The following CFAP46 variants were observed in gnomAD, a reference collection of about 807,000 sequenced individuals.
CFAP46 encodes the protein cilia- and flagella-associated protein 46.
A neutral mutation model predicts 325.7 loss-of-function variants in CFAP46; 245 were observed. The observed-to-expected ratio is 0.75, with a 90% CI of 0.68 to 0.84. The LOEUF (loss-of-function observed/expected upper bound fraction) is 0.84, where lower values mean the gene tolerates loss of function less well. CFAP46 is among the 40% of genes least tolerant of loss of function. The pLI, the probability that CFAP46 is intolerant of heterozygous loss-of-function variation, is 0.00. For synonymous variants in CFAP46, 1,523 were observed against 1,495.9 expected, an observed-to-expected ratio of 1.02 and a Z score of -0.42; for missense variants, 3,346 against 3,543.0, an observed-to-expected ratio of 0.94 and a Z score of 1.41.
chr10:132,814,801 C>T (rs961391947), intron 51 of CFAP46, 43 bp downstream of exon 51: 3 of 1,613,814 alleles, frequency 1.9e-6, no homozygotes, highest in East Asian at 2.2e-5. Flanking sequence ...TGACCTCCCG[C>T]TGTGCCCACC....
chr10:132,825,437 G>A (rs1322796574), intron 50 of CFAP46, among the ~76,000 whole-genome samples: 1 of 152,176 alleles, frequency 6.6e-6, no homozygotes, highest in Non-Finnish European at 1.5e-5. Context: ...GGCAGGAGGA[G>A]CCTTTGGGAG....
In CFAP46 at chr10:132,847,417, T is replaced by G; in HGVS notation, c.5953-96A>C. The G allele has an allele frequency of 6.8e-7, 1 of 1,463,958 alleles. No homozygotes were observed. The highest frequency in any genetic ancestry group is 1.4e-5 in the African/African-American group (1 of 71,810). The allele number at this position is 1,463,958 out of a possible 1,614,324, so 90.7% of individuals were successfully genotyped here. A position where few individuals can be genotyped will look rare whatever the true frequency, so the allele number is the denominator to read the frequency against. On this transcript the variant is annotated intron_variant, in intron 41 of 57. Coordinates refer to ENST00000368586, the MANE Select transcript of CFAP46 (RefSeq NM_001200049.3). The surrounding 1 kb of genome is among the most constrained non-coding windows in gnomAD (Gnocchi z 5.2). Reference sequence around the variant, plus strand: ...AGGGAGGCCGGGGTGGTCGGGCTCCTCAGCAGGGTCCCCGGGTAGGGGGTA... The same window carrying G: ...AGGGAGGCCGGGGTGGTCGGGCTCCGCAGCAGGGTCCCCGGGTAGGGGGTA...
intron 4 of CFAP46, among the ~76,000 whole-genome samples, chr10:132,940,663 C>G (rs867666004): frequency 6.6e-6 from 1 of 152,232 alleles, no homozygotes; most frequent in African/African-American, 2.4e-5. Context: ...CTGCAACCTC[C>G]GCCTCCCGAG....
chr10:132,849,434 C>T (rs1848498010), intron 41 of CFAP46, among the ~76,000 whole-genome samples: 1 of 152,168 alleles, frequency 6.6e-6, no homozygotes, highest in Non-Finnish European at 1.5e-5. Context: ...TGCTCCAGTC[C>T]CTGAGGGCAT....
intron 35 of CFAP46, among the ~76,000 whole-genome samples, chr10:132,862,023 C>T (rs1848727944): frequency 1.3e-5 from 2 of 152,254 alleles, no homozygotes; most frequent in Non-Finnish European, 2.9e-5. Context: ...GACACAGGAT[C>T]CACCTGGACG....
chr10:132,941,541 T>C (rs375032576), intron 3 of CFAP46, 50 bp downstream of exon 3: 15 of 1,583,586 alleles, frequency 9.5e-6, no homozygotes, highest in Middle Eastern at 3.4e-4. Flanking sequence ...GCTCTGGAGA[T>C]GGGGTGAAAA....
At chr10:132,822,365 GA>G (rs1847877257) in intron 50 of CFAP46, among the ~76,000 whole-genome samples, 1 of 141,442 alleles carries the variant, frequency 7.1e-6, no homozygotes, top group African/African-American at 2.7e-5. Flanking sequence ...TGTGTGCAGT[GA>G]TGTGTGCTGT....
At chr10:132,907,460 C>T (rs761946395) in intron 22 of CFAP46, among the ~76,000 whole-genome samples, 3 of 152,308 alleles carry the variant, frequency 2.0e-5, no homozygotes, top group Middle Eastern at 3.4e-3. Context: ...GGGGACCTGG[C>T]GGCACGGCTG....
chr10:132,891,432 G>A (rs1046671230), intron 25 of CFAP46, among the ~76,000 whole-genome samples: 19 of 152,348 alleles, frequency 1.2e-4, no homozygotes, highest in African/African-American at 4.3e-4. Context: ...GGCTGACAGA[G>A]TGGACGCTTT....
intron 50 of CFAP46, among the ~76,000 whole-genome samples, chr10:132,822,619 G>A (rs1156956589): frequency 4.9e-5 from 7 of 142,906 alleles, no homozygotes; most frequent in Non-Finnish European, 7.6e-5. Context: ...TGTGTGTTGT[G>A]TGAGTGCTGA....
intron 44 of CFAP46, among the ~76,000 whole-genome samples, chr10:132,840,821 C>T (rs1440879198): frequency 6.6e-6 from 1 of 152,176 alleles, no homozygotes; most frequent in Non-Finnish European, 1.5e-5. Flanking sequence ...GACCTTGGTA[C>T]TGGGGATCTC....
chr10:132,888,795 TGCACC>T, intron 25 of CFAP46, among the ~76,000 whole-genome samples: 1 of 64,320 alleles, frequency 1.6e-5, no homozygotes, highest in Non-Finnish European at 3.0e-5. Context: ...CCCTGCCGCC[TGCACC>T]TGCCACCTTC....
intron 35 of CFAP46, among the ~76,000 whole-genome samples, chr10:132,862,001 G>C (rs1467768075): frequency 4.6e-5 from 7 of 152,224 alleles, no homozygotes; most frequent in Admixed American, 4.6e-4. Context: ...TGCCCCAGTT[G>C]TGCCCCTGCC....
At chr10:132,822,317 TGTG>T (rs1214607524) in intron 50 of CFAP46, among the ~76,000 whole-genome samples, 9 of 133,298 alleles carry the variant, frequency 6.8e-5, no homozygotes, top group Admixed American at 1.6e-4. Context: ...GTGCTGTGTG[TGTG>T]GTGATGTGTG....
At chr10:132,843,356 G>T (rs1456035585) in intron 44 of CFAP46, among the ~76,000 whole-genome samples, 1 of 148,854 alleles carries the variant, frequency 6.7e-6, no homozygotes, top group Non-Finnish European at 1.5e-5. Flanking sequence ...GGTGCTGTGG[G>T]ACTCTGCTCT....
intron 3 of CFAP46, among the ~76,000 whole-genome samples, chr10:132,941,371 G>A (rs1850098238): frequency 1.3e-5 from 2 of 152,262 alleles, no homozygotes; most frequent in South Asian, 2.1e-4. Context: ...CAGAGACCAC[G>A]CTGCTACGAG....
intron 55 of CFAP46, among the ~76,000 whole-genome samples, chr10:132,812,455 C>T (rs1847600509): frequency 6.6e-6 from 1 of 152,316 alleles, no homozygotes; most frequent in African/African-American, 2.4e-5. Context: ...CCACCCCAGC[C>T]TTCCTGGGCT....
chr10:132,861,396 C>G (rs1266509115), intron 35 of CFAP46, among the ~76,000 whole-genome samples: 2 of 152,266 alleles, frequency 1.3e-5, no homozygotes, highest in African/African-American at 4.8e-5. Flanking sequence ...GGATTTGTCT[C>G]CCTCTGCCTG....
At chr10:132,843,568 CCA>C (rs1848380197) in intron 44 of CFAP46, among the ~76,000 whole-genome samples, 1 of 139,490 alleles carries the variant, frequency 7.2e-6, no homozygotes, top group African/African-American at 2.7e-5. Context: ...TCCCAGGGTG[CCA>C]TGGGGCTCTG....
Sources: allele counts gnomAD v4.1 joint callset (sites outside exome capture counted in the v4.1 genomes callset), GRCh38; gene constraint gnomAD v4.1.1; non-coding constraint Gnocchi (gnomAD v3.1); transcripts MANE v1.5; gene names NCBI Gene and HGNC (gene_info 2026-07-23, HGNC 2026-07-21).